The following ST8SIA6 variants were observed in gnomAD, a reference collection of about 807,000 sequenced individuals.
The protein encoded by ST8SIA6 is ST8 alpha-N-acetyl-neuraminide alpha-2,8-sialyltransferase 6.
Under a neutral mutation model 33.6 loss-of-function variants are expected in ST8SIA6, and 39 were observed. That is an observed-to-expected ratio of 1.16 (90% CI 0.90 to 1.52). The LOEUF is 1.52. Ranked by LOEUF, ST8SIA6 falls within the 40% of genes most tolerant of loss-of-function variation. The probability of loss-of-function intolerance (pLI) is 0.00; values close to 1 mark genes in which losing one functional copy is unlikely to be tolerated. For missense variants in ST8SIA6, 441 were observed against 443.8 expected (o/e 0.99, Z 0.06); for synonymous variants, 172 against 167.2 (o/e 1.03, Z -0.22).
chr10:17,336,144 A>G (rs996297321), intron 4 of ST8SIA6, among the ~76,000 whole-genome samples: 1 of 152,018 alleles, frequency 6.6e-6, no homozygotes, highest in Admixed American at 6.6e-5. Context: ...TTAAGTAGAA[A>G]TGGCGTTTTA....
At chr10:17,359,785 G>T (rs1243327598) in intron 3 of ST8SIA6, among the ~76,000 whole-genome samples, 185 bp from the exon 4 acceptor site, 1 of 152,066 alleles carries the variant, frequency 6.6e-6, no homozygotes, top group Non-Finnish European at 1.5e-5. Context: ...TGATTATTAT[G>T]TTGGTTTAGG....
At chr10:17,374,715 AAAATAAAT>A (rs200761061) in intron 3 of ST8SIA6, among the ~76,000 whole-genome samples, 195 of 134,818 alleles carry the variant, frequency 1.4e-3, no homozygotes, top group African/African-American at 3.3e-3. Flanking sequence ...CTCTGTCTCA[AAAATAAAT>A]AAATAAATAA....
At chr10:17,425,237 C>T (rs1851898487) in intron 2 of ST8SIA6, among the ~76,000 whole-genome samples, 1 of 152,054 alleles carries the variant, frequency 6.6e-6, no homozygotes, top group Admixed American at 6.6e-5. Context: ...ATAGTTGTCT[C>T]AATGTGGGTT....
chr10:17,383,257 A>G (rs1850219103), intron 3 of ST8SIA6, among the ~76,000 whole-genome samples: 2 of 152,198 alleles, frequency 1.3e-5, no homozygotes, highest in African/African-American at 4.8e-5. Flanking sequence ...CAAATTATCA[A>G]TTATGTCTTT....
intron 2 of ST8SIA6, among the ~76,000 whole-genome samples, chr10:17,421,206 G>A (rs1370121526): frequency 6.6e-6 from 1 of 152,134 alleles, no homozygotes; most frequent in Non-Finnish European, 1.5e-5. Flanking sequence ...AACACAACTG[G>A]GAAAGGCCAT....
rs116582507 is a variant in ST8SIA6, at chr10:17,420,758, C to T, written c.201-30138G>A. 4.6e-3 allele frequency among the ~76,000 whole-genome samples: 705 copies of T among 152,300 alleles called. 4 individuals carry two copies. Among genetic ancestry groups the T allele is most frequent in the African/African-American group, 0.016 (679 of 41,562 alleles). On this transcript the variant is annotated intron_variant, in intron 2 of 7. Coordinates refer to ENST00000377602, the MANE Select transcript of ST8SIA6 (RefSeq NM_001004470.3). ...CCAAGGTGACACCTTGTATTGGTGTCACACTACTATAAAGAACTGCCTGAG... is the reference window on the plus strand; with the variant it reads ...CCAAGGTGACACCTTGTATTGGTGTTACACTACTATAAAGAACTGCCTGAG...
intron 4 of ST8SIA6, among the ~76,000 whole-genome samples, chr10:17,333,717 A>ATATATTTTT (rs1251981910): frequency 3.0e-4 from 10 of 33,754 alleles, no homozygotes; most frequent in East Asian, 1.2e-3. Context: ...ATATATATAT[A>ATATATTTTT]TTTTTTTTTT....
At chr10:17,379,714 TG>T (rs1200159842) in intron 3 of ST8SIA6, among the ~76,000 whole-genome samples, 1 of 152,168 alleles carries the variant, frequency 6.6e-6, no homozygotes, top group Non-Finnish European at 1.5e-5. Context: ...CTTCTTATAT[TG>T]ATTGATGTCT....
chr10:17,395,391 C>T (rs2131669619), intron 2 of ST8SIA6, among the ~76,000 whole-genome samples: 1 of 152,184 alleles, frequency 6.6e-6, no homozygotes, highest in African/African-American at 2.4e-5. Context: ...CCACCTAAAA[C>T]TAACCAAGTT....
chr10:17,332,262 A>G lies in ST8SIA6; in HGVS notation c.378-710T>C, dbSNP rs150386675. Among the ~76,000 whole-genome samples the G allele has an allele frequency of 1.7e-3, 253 of 152,288 alleles. 1 individual carries two copies. Among genetic ancestry groups the G allele is most frequent in the African/African-American group, 5.8e-3 (243 of 41,548 alleles). ...AGTGCTGCAATAAACATACGTGTAC[A>G]TGTGCCTTTATAGTAAAATGATTTA... On this transcript the variant is annotated intron_variant, in intron 4 of 7. Coordinates refer to ENST00000377602, the MANE Select transcript of ST8SIA6 (RefSeq NM_001004470.3).
chr10:17,344,194 A>C (rs1848763370), intron 4 of ST8SIA6, among the ~76,000 whole-genome samples: 1 of 152,222 alleles, frequency 6.6e-6, no homozygotes. Flanking sequence ...ACAGAGGGGG[A>C]AAAGTCAAGA....
chr10:17,395,431 G>C (rs1393446536), intron 2 of ST8SIA6, among the ~76,000 whole-genome samples: 1 of 152,096 alleles, frequency 6.6e-6, no homozygotes, highest in Non-Finnish European at 1.5e-5. Flanking sequence ...TCTAGGGACA[G>C]AAAAAGAAGA....
intron 2 of ST8SIA6, among the ~76,000 whole-genome samples, chr10:17,449,222 G>GA (rs1852828022): frequency 6.6e-6 from 1 of 151,332 alleles, no homozygotes; most frequent in Non-Finnish European, 1.5e-5. Context: ...ATATTAAGTT[G>GA]AAAAAATAGA....
chr10:17,391,941 T>C (rs1308292474), intron 2 of ST8SIA6, among the ~76,000 whole-genome samples: 2 of 152,200 alleles, frequency 1.3e-5, no homozygotes, highest in Non-Finnish European at 2.9e-5. Flanking sequence ...ATGCGTCACA[T>C]ATATTAAGTG....
chr10:17,369,801 C>G (rs1258689183), intron 3 of ST8SIA6, among the ~76,000 whole-genome samples: 1 of 152,068 alleles, frequency 6.6e-6, no homozygotes, highest in South Asian at 2.1e-4. Context: ...TATCTCTTAA[C>G]TTTATTGTTT....
intron 2 of ST8SIA6, among the ~76,000 whole-genome samples, chr10:17,406,546 T>C (rs1162003587): frequency 1.3e-5 from 2 of 152,212 alleles, no homozygotes; most frequent in African/African-American, 4.8e-5. Context: ...CTCTTGTTAA[T>C]CTGTCTTTTC....
At chr10:17,398,601 A>C (rs1588886563) in intron 2 of ST8SIA6, among the ~76,000 whole-genome samples, 1 of 152,346 alleles carries the variant, frequency 6.6e-6, no homozygotes, top group East Asian at 1.9e-4. Context: ...TACAATGACT[A>C]TACAGGGGCT....
At position 17,315,519 on chromosome 10, in the gene ST8SIA6, A is replaced by G. The variant is rs58669999; in HGVS notation, c.*5359T>C. On this transcript the variant is annotated 3_prime_UTR_variant, in exon 8 of 8. Coordinates refer to ENST00000377602, the MANE Select transcript of ST8SIA6 (RefSeq NM_001004470.3). ...GATAAGCCAACTGTGGTCCATCCAT[A>G]TAACATAATTCTACTCAGTAAATAA... 0.036 allele frequency among the ~76,000 whole-genome samples: 5,422 copies of G among 152,150 alleles called. 326 individuals are homozygous for G. The highest frequency in any genetic ancestry group is 0.12 in the African/African-American group (5,062 of 41,548).
intron 2 of ST8SIA6, among the ~76,000 whole-genome samples, chr10:17,447,387 C>T (rs534147423): frequency 1.3e-5 from 2 of 151,684 alleles, no homozygotes; most frequent in South Asian, 2.1e-4. Context: ...GCCTGGGCAA[C>T]GAGAGCAAAA....
Sources: allele counts gnomAD v4.1 joint callset (sites outside exome capture counted in the v4.1 genomes callset), GRCh38; gene constraint gnomAD v4.1.1; transcripts MANE v1.5; gene names NCBI Gene and HGNC (gene_info 2026-07-23, HGNC 2026-07-21).